The following VWA3B variants were observed in gnomAD, a reference collection of about 807,000 sequenced individuals.
The protein encoded by VWA3B is von Willebrand factor A domain containing 3B, also known as von Willebrand factor A domain-containing protein 3B.
VWA3B carries 138 observed loss-of-function variants against 158.3 expected under a neutral mutation model. That is an observed-to-expected ratio of 0.87 (90% confidence interval 0.76 to 1.00). The LOEUF (loss-of-function observed/expected upper bound fraction) is 1.00, where lower values mean the gene tolerates loss of function less well. Among genes scored for constraint, VWA3B ranks in the 50% least tolerant of loss-of-function variants. The pLI, the probability that VWA3B is intolerant of heterozygous loss-of-function variation, is 0.00. For synonymous variants in VWA3B, 596 were observed against 587.3 expected (o/e 1.01, Z -0.21); for missense variants, 1,555 against 1,565.1 (o/e 0.99, Z 0.11).
intron 13 of VWA3B, among the ~76,000 whole-genome samples, chr2:98,212,385 A>T (rs1463888024): frequency 6.6e-6 from 1 of 152,222 alleles, no homozygotes; most frequent in Non-Finnish European, 1.5e-5. Flanking sequence ...AGAGACTCTG[A>T]ATCTAACATG....
chr2:98,138,156 C>T (rs978852557), intron 7 of VWA3B, among the ~76,000 whole-genome samples: 1 of 152,208 alleles, frequency 6.6e-6, no homozygotes, highest in Non-Finnish European at 1.5e-5. Flanking sequence ...TGTCTGCCAT[C>T]TCTTGGGCCA....
chr2:98,277,477 A>G (rs1688594659), intron 22 of VWA3B, among the ~76,000 whole-genome samples: 1 of 152,260 alleles, frequency 6.6e-6, no homozygotes, highest in African/African-American at 2.4e-5. Context: ...TTGGCCCAGA[A>G]AGATCAAAAA....
chr2:98,089,549 G>A (rs1340997188), intron 1 of VWA3B, among the ~76,000 whole-genome samples: 2 of 152,088 alleles, frequency 1.3e-5, no homozygotes, highest in East Asian at 1.9e-4. Flanking sequence ...GTCCCGGCTC[G>A]CAGCAGGCTT....
At chr2:98,162,377 G>A (rs953379424) in intron 7 of VWA3B, among the ~76,000 whole-genome samples, 2 of 152,174 alleles carry the variant, frequency 1.3e-5, no homozygotes, top group African/African-American at 4.8e-5. Context: ...GTCCAGAAAA[G>A]GAGACCAGGC....
intron 12 of VWA3B, among the ~76,000 whole-genome samples, chr2:98,204,672 T>TTG: frequency 6.6e-6 from 1 of 152,242 alleles, no homozygotes; most frequent in East Asian, 1.9e-4. Flanking sequence ...TGTAGGCTTT[T>TTG]TGTGTGTGTG....
Position 98,193,028 on chromosome 2 carries a change from T to G in VWA3B, c.1597T>G (p.Phe533Val), listed in dbSNP as rs754375559. ...LDLVKDKIIQFIQEQLKYKSK... is the reference protein window; with the variant it reads ...LDLVKDKIIQVIQEQLKYKSK... ...CTTGGTGAAGGACAAGATCATTCAG[T>G]TCATACAGGTTAGATGGAACTGTCG... Residue 533 changes from phenylalanine (F) to valine (V), a missense_variant, in exon 11 of 28, where the codon TTC becomes GTC. By Grantham distance (50) the Phe-to-Val change is conservative. Coordinates refer to ENST00000477737, the MANE Select transcript of VWA3B (RefSeq NM_144992.5). 3.1e-5 allele frequency: 50 copies of G among 1,612,370 alleles called. No individual in the cohort carries two copies. The highest frequency in any genetic ancestry group is 1.6e-4 in the Middle Eastern group (1 of 6,076).
chr2:98,298,438 TATTCTATGCC>T lies in VWA3B; in HGVS notation c.3282+410_3282+419del, dbSNP rs1279029999. Among the ~76,000 whole-genome samples, 362 of 131,146 alleles carry T rather than the reference TATTCTATGCC, an allele frequency of 2.8e-3. 1 individual carries two copies. The highest frequency in any genetic ancestry group is 4.3e-3 in the Non-Finnish European group (252 of 58,084). 86.0% of individuals were successfully genotyped at this position (131,146 alleles called of 152,430 possible). On this transcript the variant is annotated intron_variant, in intron 24 of 27. Coordinates refer to ENST00000477737, the MANE Select transcript of VWA3B (RefSeq NM_144992.5). ...TATTCTATTCTATTCTATTCTATTC[TATTCTATGCC>T]ATGCCATGCCATGCCATGCCATCCC...
At chr2:98,140,680 G>A (rs1325138165) in intron 7 of VWA3B, among the ~76,000 whole-genome samples, 2 of 152,160 alleles carry the variant, frequency 1.3e-5, no homozygotes, top group African/African-American at 4.8e-5. Context: ...CCAGAGCGAT[G>A]CTCCCTTTTG....
chr2:98,207,953 A>G (rs1340888873), intron 12 of VWA3B, among the ~76,000 whole-genome samples: 1 of 152,120 alleles, frequency 6.6e-6, no homozygotes, highest in African/African-American at 2.4e-5. Flanking sequence ...TATTTTATCT[A>G]TTACAACTCT....
intron 14 of VWA3B, among the ~76,000 whole-genome samples, chr2:98,222,422 G>C (rs926120094): frequency 6.6e-6 from 1 of 152,326 alleles, no homozygotes; most frequent in African/African-American, 2.4e-5. Context: ...GGCAGAGCTT[G>C]CTAAAGGGAC....
intron 14 of VWA3B, among the ~76,000 whole-genome samples, chr2:98,223,001 A>G (rs1684635194): frequency 6.6e-6 from 1 of 152,250 alleles, no homozygotes; most frequent in Non-Finnish European, 1.5e-5. Context: ...AATGATGCCA[A>G]CACTGAGATG....
At chr2:98,139,286 C>G (rs544006708) in intron 7 of VWA3B, among the ~76,000 whole-genome samples, 19 of 152,350 alleles carry the variant, frequency 1.2e-4, no homozygotes, top group African/African-American at 4.6e-4. Context: ...AGCCTTCCCC[C>G]GCCTCCGTGG....
downstream of VWA3B, among the ~76,000 whole-genome samples, chr2:98,314,702 A>T (rs1691051433): frequency 6.6e-6 from 1 of 152,248 alleles, no homozygotes; most frequent in South Asian, 2.1e-4. Flanking sequence ...ACAGGCATGA[A>T]AAACAGCAAG....
rs770512487 is a variant in VWA3B, at chr2:98,303,718, G to C, written c.3437G>C (p.Ser1146Thr). 1 of 1,614,164 alleles carries C rather than the reference G, an allele frequency of 6.2e-7. No individual in the cohort carries two copies. The highest frequency in any genetic ancestry group is 1.1e-5 in the South Asian group (1 of 91,088). The change falls in exon 26 of 28, where the codon AGT becomes ACT. Residue 1146 changes from serine (S) to threonine (T), a missense_variant. Coordinates refer to ENST00000477737, the MANE Select transcript of VWA3B (RefSeq NM_144992.5). ...CNNRREFCPR[S>T]ALIKISQNKY... ...TTATTACAGGAATTTTGCCCTCGGA[G>C]TGCACTTATTAAGATCAGCCAAAAC...
At chr2:98,297,640 G>A (rs1295322746) in intron 23 of VWA3B, among the ~76,000 whole-genome samples, 3 of 152,168 alleles carry the variant, frequency 2.0e-5, no homozygotes, top group Non-Finnish European at 4.4e-5. Flanking sequence ...CAGGATGGGG[G>A]CTGATGGCGC....
intron 21 of VWA3B, among the ~76,000 whole-genome samples, chr2:98,258,285 A>G (rs1457117485): frequency 6.6e-6 from 1 of 151,896 alleles, no homozygotes; most frequent in African/African-American, 2.4e-5. Flanking sequence ...TGAAATTAGG[A>G]AATATGAGTC....
At chr2:98,187,837 T>C in intron 9 of VWA3B, 138 bp from the exon 10 acceptor site, 1 of 907,824 alleles carries the variant, frequency 1.1e-6, no homozygotes, top group South Asian at 2.3e-5. Flanking sequence ...ACATATTTGG[T>C]TGAACTAACA....
the VWA3B span, among the ~76,000 whole-genome samples, chr2:98,321,746 T>C: frequency 6.6e-4 from 101 of 152,344 alleles, no homozygotes; most frequent in African/African-American, 2.3e-3. Flanking sequence ...TCTGAGTTAA[T>C]GCTGAAATGA....
At chr2:98,229,943 A>G in intron 15 of VWA3B, 107 bp from the exon 16 acceptor site, 1 of 1,248,660 alleles carries the variant, frequency 8.0e-7, no homozygotes, top group South Asian at 1.8e-5. Flanking sequence ...TTACTTTTTA[A>G]AGTTTGCAGT....
Sources: gnomAD v4.1 joint callset for allele counts (sites outside exome capture counted in the v4.1 genomes callset) on GRCh38, gnomAD v4.1.1 for gene constraint, MANE v1.5 for transcripts, NCBI Gene and HGNC (gene_info 2026-07-23, HGNC 2026-07-21) for gene names.